Variants in NEIL3 observed in about 807,000 individuals in gnomAD.
The protein encoded by NEIL3 is endonuclease 8-like 3.
In NEIL3, 48 loss-of-function variants were observed where a neutral mutation model predicts 57.5. The observed-to-expected ratio is 0.83, with a 90% CI of 0.66 to 1.06. NEIL3 has a LOEUF of 1.06. Among genes scored for constraint, NEIL3 ranks in the 50% least tolerant of loss-of-function variants. The probability of loss-of-function intolerance (pLI) is 0.00; values close to 1 mark genes in which losing one functional copy is unlikely to be tolerated. For synonymous variants in NEIL3, 261 were observed against 253.2 expected (o/e 1.03, Z -0.29); for missense variants, 717 against 739.1 (o/e 0.97, Z 0.35).
intron 5 of NEIL3, among the ~76,000 whole-genome samples, chr4:177,340,645 A>T (rs763824927): frequency 1.3e-5 from 2 of 152,184 alleles, no homozygotes; most frequent in Non-Finnish European, 2.9e-5. Flanking sequence ...CCAGAAAAAG[A>T]TGACCATAGA....
chr4:177,318,469 G>A (rs1396522734), intron 1 of NEIL3, among the ~76,000 whole-genome samples: 1 of 152,198 alleles, frequency 6.6e-6, no homozygotes, highest in Non-Finnish European at 1.5e-5. Context: ...TGGGCGTTTT[G>A]ATAATGGGGC....
At chr4:177,332,810 A>G (rs1734907341) in intron 2 of NEIL3, among the ~76,000 whole-genome samples, 1 of 152,224 alleles carries the variant, frequency 6.6e-6, no homozygotes, top group Non-Finnish European at 1.5e-5. Context: ...GTGCTCTGCC[A>G]CAGGTGAAAC....
chr4:177,320,273 G>A (rs985517175), intron 1 of NEIL3, among the ~76,000 whole-genome samples: 2 of 151,988 alleles, frequency 1.3e-5, no homozygotes, highest in African/African-American at 2.4e-5. Context: ...TATATAAAAA[G>A]AAGGCAAATG....
rs1215109032 is a variant in NEIL3, at chr4:177,339,834, G to T, written c.679G>T (p.Asp227Tyr). Residue 227 changes from aspartate to tyrosine, a missense_variant, in exon 5 of 10, where the codon GAT becomes TAT. Asp to Tyr is a radical substitution (Grantham distance 160). Coordinates refer to ENST00000264596, the MANE Select transcript of NEIL3 (RefSeq NM_018248.3). ...CCATCACCTCATGAAAATGATACGT[G>T]ATTTCAGCATTCTCTTTTACAGGGT... ...QIHHLMKMIR[D>Y]FSILFYRCRK... 3.1e-6 allele frequency: 5 copies of T among 1,613,360 alleles called. No individual in the cohort carries two copies. Among genetic ancestry groups the T allele is most frequent in the Non-Finnish European group, 2.5e-6 (3 of 1,179,500 alleles).
intron 8 of NEIL3, among the ~76,000 whole-genome samples, chr4:177,354,591 G>T (rs892555314): frequency 6.6e-6 from 1 of 151,562 alleles, no homozygotes; most frequent in African/African-American, 2.4e-5. Context: ...TGCTCTTGTC[G>T]CCCAGCTGGA....
In NEIL3 at chr4:177,356,988, T is replaced by G. The variant is rs201279762; in HGVS notation, c.1460+3260T>G. ...TGACAATAACAAAATCATTAATATT[T>G]TCTCACATTTGCTGCCGTCAGGGAT... is the stretch of plus-strand genomic sequence containing the variant. On this transcript the variant is annotated intron_variant, in intron 8 of 9. Coordinates refer to ENST00000264596, the MANE Select transcript of NEIL3 (RefSeq NM_018248.3). 4 of 152,318 alleles carry G rather than the reference T, an allele frequency of 2.6e-5. No individual in the cohort carries two copies. The East Asian group carries it at 7.7e-4, about 29-fold the overall frequency. The allele number at this position is 152,318 out of a possible 1,614,324, so 9.4% of individuals were successfully genotyped here.
chr4:177,359,812 C>T (rs1345977784), intron 8 of NEIL3, among the ~76,000 whole-genome samples: 1 of 152,144 alleles, frequency 6.6e-6, no homozygotes. Context: ...AGTACAAGGC[C>T]AGCTTCTAGC....
chr4:177,353,586 A>G lies in NEIL3; in HGVS notation c.1318A>G (p.Ile440Val). Residue 440 changes from isoleucine to valine, a missense_variant, in exon 8 of 10, where the codon ATA becomes GTA. Coordinates refer to ENST00000264596, the MANE Select transcript of NEIL3 (RefSeq NM_018248.3). ...QHPSKKTTND[I>V]TQPSSKVNIS... ...CCCCTCCAAGAAGACAACAAACGAT[A>G]TAACTCAACCATCCAGCAAAGTAAA... The G allele has an allele frequency of 6.2e-7, 1 of 1,613,396 alleles. No homozygotes were observed. The highest frequency in any genetic ancestry group is 1.3e-5 in the African/African-American group (1 of 74,978).
rs140882470 is a variant in NEIL3 at position 177,357,922 on chromosome 4, T to C, written c.1461-2581T>C. Among the ~76,000 whole-genome samples the C allele has an allele frequency of 5.3e-5, 8 of 152,368 alleles. No homozygotes were observed. The East Asian group carries it at 1.5e-3, about 29-fold the overall frequency. On this transcript the variant is annotated intron_variant, in intron 8 of 9. Coordinates refer to ENST00000264596, the MANE Select transcript of NEIL3 (RefSeq NM_018248.3). ...AATGAACAATTCTGTATGCTACATT[T>C]AAGTAAGAAATCTGCTATATTTTAG...
chr4:177,359,533 T>G (rs1054985200), intron 8 of NEIL3, among the ~76,000 whole-genome samples: 8 of 151,144 alleles, frequency 5.3e-5, no homozygotes, highest in African/African-American at 1.2e-4. Flanking sequence ...GATTTTTAAG[T>G]TTTTTTTTAA....
At position 177,360,535 on chromosome 4, in the gene NEIL3, G is replaced by A. The variant is rs1419494369; in HGVS notation, c.1493G>A (p.Arg498His). 13 of 1,613,692 alleles carry A rather than the reference G, an allele frequency of 8.1e-6. No homozygotes were observed. Among genetic ancestry groups the A allele is most frequent in the East Asian group, 2.2e-5 (1 of 44,858 alleles). The change falls in exon 9 of 10, where the codon CGT (arginine) becomes CAT (histidine). Residue 498 changes from arginine (R) to histidine (H), a missense_variant. Transcript: ENST00000264596. The stretch of plus-strand genomic sequence containing the variant: ...CAAATTAATATGACAGATGGCCCTC[G>A]TACCTTAAATCCTGACAGCCCTCGC... ...ELQINMTDGPRTLNPDSPRCS... is the reference protein window; with the variant it reads ...ELQINMTDGPHTLNPDSPRCS...
chr4:177,344,363 A>G (rs1474506821), intron 6 of NEIL3, among the ~76,000 whole-genome samples: 1 of 152,038 alleles, frequency 6.6e-6, no homozygotes, highest in Non-Finnish European at 1.5e-5. Flanking sequence ...ATGTTGATTA[A>G]ATTTTCTCAT....
chr4:177,341,546 A>G lies in NEIL3; in HGVS notation c.773A>G (p.His258Arg). The G allele has an allele frequency of 1.2e-6, 2 of 1,613,546 alleles. No homozygotes were observed. Among genetic ancestry groups the G allele is most frequent in the South Asian group, 1.1e-5 (1 of 91,050 alleles). Residue 258 changes from histidine (H) to arginine (R), a missense_variant, in exon 6 of 10, where the codon CAC becomes CGC. His to Arg is a conservative substitution (Grantham distance 29). Coordinates refer to ENST00000264596, the MANE Select transcript of NEIL3 (RefSeq NM_018248.3). ...VYKRPNCGQCHCRITVCRFGD... is the reference protein window; with the variant it reads ...VYKRPNCGQCRCRITVCRFGD... ...AAGCGTCCTAATTGTGGTCAGTGCC[A>G]CTGCAGAATAACTGTGTGCCGCTTT...
downstream of NEIL3, among the ~76,000 whole-genome samples, chr4:177,366,446 T>A (rs141851097): frequency 9.8e-3 from 1,499 of 152,360 alleles, 31 homozygotes; most frequent in African/African-American, 0.034. Flanking sequence ...TCGCCCAGGC[T>A]GTAGTGCAGT....
chr4:177,347,418 A>G (rs1735246124), intron 6 of NEIL3, among the ~76,000 whole-genome samples: 1 of 152,114 alleles, frequency 6.6e-6, no homozygotes, highest in Non-Finnish European at 1.5e-5. Flanking sequence ...AGGGTTTTGA[A>G]CGGGCGTGAA....
rs190501544 is a variant in NEIL3 at position 177,320,263 on chromosome 4, T to G, written c.157-2196T>G. The stretch of plus-strand genomic sequence containing the variant: ...AATTCAGGGCTCTAAAAGATTGACT[T>G]ATATAAAAAGAAGGCAAATGTGTTT... On this transcript the variant is annotated intron_variant, in intron 1 of 9. Coordinates refer to ENST00000264596, the MANE Select transcript of NEIL3 (RefSeq NM_018248.3). Among the ~76,000 whole-genome samples the G allele has an allele frequency of 2.0e-3, 298 of 152,178 alleles. 2 individuals carry two copies. Among genetic ancestry groups the G allele is most frequent in the Admixed American group, 0.015 (233 of 15,274 alleles).
At chr4:177,327,068 C>CA (rs1453363279) in intron 2 of NEIL3, among the ~76,000 whole-genome samples, 1 of 152,072 alleles carries the variant, frequency 6.6e-6, no homozygotes, top group Non-Finnish European at 1.5e-5. Flanking sequence ...AGTGAGTTCT[C>CA]ACTAGATCTC....
downstream of NEIL3, among the ~76,000 whole-genome samples, chr4:177,365,523 C>T (rs1053321326): frequency 6.6e-6 from 1 of 152,186 alleles, no homozygotes; most frequent in Non-Finnish European, 1.5e-5. Flanking sequence ...CAACCACCAT[C>T]AGTCCCTCCA....
chr4:177,336,014 A>G (rs185396994), intron 3 of NEIL3, 94 bp from the exon 4 acceptor site: 1 of 1,121,824 alleles, frequency 8.9e-7, no homozygotes, highest in Admixed American at 2.2e-5. Context: ...ACCCTGATTA[A>G]CATAAAGTGC....
Sources: allele counts gnomAD v4.1 joint callset (sites outside exome capture counted in the v4.1 genomes callset), GRCh38; gene constraint gnomAD v4.1.1; transcripts MANE v1.5; gene names NCBI Gene and HGNC (gene_info 2026-07-23, HGNC 2026-07-21).